Variants in RANBP17 observed in about 807,000 individuals in gnomAD.
The protein encoded by RANBP17 is ran-binding protein 17.
In RANBP17, 158 loss-of-function variants were observed where a neutral mutation model predicts 141.2. That is an observed-to-expected ratio of 1.12 (90% CI 0.98 to 1.28). The LOEUF is 1.28. Ranked by LOEUF, RANBP17 falls within the 50% of genes most tolerant of loss-of-function variation. RANBP17 has a pLI of 0.00. For missense variants in RANBP17, 1,438 were observed against 1,290.7 expected (o/e 1.11, Z -1.75); for synonymous variants, 430 against 450.0 (o/e 0.96, Z 0.56).
intron 14 of RANBP17, among the ~76,000 whole-genome samples, chr5:171,070,426 T>C (rs944428089): frequency 9.2e-5 from 14 of 152,168 alleles, no homozygotes; most frequent in African/African-American, 2.7e-4. Context: ...ATAAATATAA[T>C]GTTAACACTG....
chr5:171,197,777 A>T (rs1032714168), intron 18 of RANBP17, among the ~76,000 whole-genome samples: 2 of 152,130 alleles, frequency 1.3e-5, no homozygotes, highest in Non-Finnish European at 2.9e-5. Context: ...TGTGGCTCAC[A>T]TCTGTAATCC....
chr5:171,287,281 A>G (rs1768224098), intron 25 of RANBP17, among the ~76,000 whole-genome samples: 1 of 152,226 alleles, frequency 6.6e-6, no homozygotes, highest in Non-Finnish European at 1.5e-5. Flanking sequence ...ACCTGAGGTC[A>G]GGAGTTCAAG....
intron 14 of RANBP17, among the ~76,000 whole-genome samples, chr5:171,069,736 T>C (rs1784524320): frequency 1.3e-5 from 2 of 152,182 alleles, no homozygotes; most frequent in African/African-American, 4.8e-5. Context: ...TAGGCTAAGC[T>C]ATGACGTTTA....
In RANBP17 at chr5:171,241,097, GGCTTTTGTCAAAAT is replaced by G; in HGVS notation, c.2596_2609del (p.Phe866AlafsTer7). On this transcript the variant is annotated frameshift_variant, in exon 23 of 28. Coordinates refer to ENST00000523189, the MANE Select transcript of RANBP17 (RefSeq NM_022897.5). LOFTEE classifies it high-confidence loss of function. Reference sequence around the variant, plus strand: ...ACAACCATTTTGACAATGTACTCCAGGCTTTTGTCAAAATGCTGCTGTCAGTGTCCCACAGTGAC... The same window carrying G: ...ACAACCATTTTGACAATGTACTCCAGGCTGCTGTCAGTGTCCCACAGTGAC... 1.2e-6 allele frequency: 2 copies of G among 1,613,752 alleles called. No homozygotes were observed. Among genetic ancestry groups the G allele is most frequent in the Non-Finnish European group, 1.7e-6 (2 of 1,179,834 alleles).
intron 11 of RANBP17, among the ~76,000 whole-genome samples, chr5:170,922,124 C>T (rs1441359763): frequency 6.6e-6 from 1 of 152,022 alleles, no homozygotes; most frequent in Non-Finnish European, 1.5e-5. Flanking sequence ...GAGGTCCACT[C>T]CAGACCCTGT....
chr5:171,176,009 G>T (rs568829288), intron 16 of RANBP17, among the ~76,000 whole-genome samples: 3 of 152,132 alleles, frequency 2.0e-5, no homozygotes, highest in Admixed American at 1.3e-4. Flanking sequence ...TAGGCACAGG[G>T]TCCACTATGC....
intron 14 of RANBP17, among the ~76,000 whole-genome samples, chr5:171,140,901 C>T (rs1205937827): frequency 6.6e-6 from 1 of 152,120 alleles, no homozygotes; most frequent in Non-Finnish European, 1.5e-5. Context: ...CAGAATATTC[C>T]ACACTACCTG....
chr5:171,096,911 C>CT (rs1202237588), intron 14 of RANBP17, among the ~76,000 whole-genome samples: 1 of 152,044 alleles, frequency 6.6e-6, no homozygotes, highest in African/African-American at 2.4e-5. Context: ...TATGGTAGAA[C>CT]TTTAAGAAAA....
intron 14 of RANBP17, among the ~76,000 whole-genome samples, chr5:170,996,667 T>C (rs1778838148): frequency 6.6e-6 from 1 of 152,232 alleles, no homozygotes; most frequent in South Asian, 2.1e-4. Context: ...GGGTAAGATG[T>C]ACTGCTTCAG....
rs544410880 is a variant in RANBP17, at chr5:170,918,589, A to G, written c.955-124A>G. On this transcript the variant is annotated intron_variant, in intron 9 of 27. Coordinates refer to ENST00000523189, the MANE Select transcript of RANBP17 (RefSeq NM_022897.5). Reference sequence around the variant, plus strand: ...ATTTTTTTACATTGTTAACTACCCAATTGACACAGAGTATTTTAAGTACTC... The same window carrying G: ...ATTTTTTTACATTGTTAACTACCCAGTTGACACAGAGTATTTTAAGTACTC... 59 of 634,646 alleles carry G rather than the reference A, an allele frequency of 9.3e-5. No individual in the cohort carries two copies. Among genetic ancestry groups the G allele is most frequent in the African/African-American group, 3.4e-4 (18 of 52,746 alleles). The allele number at this position is 634,646 out of a possible 1,614,324, so 39.3% of individuals were successfully genotyped here.
rs1771481112 is a variant in RANBP17 at position 170,911,025 on chromosome 5, G to C, written c.651G>C (p.Gln217His). The C allele has an allele frequency of 1.4e-5, 23 of 1,612,076 alleles. No homozygotes were observed. Among genetic ancestry groups the C allele is most frequent in the East Asian group, 2.2e-5 (1 of 44,832 alleles). Residue 217 changes from glutamine (Q) to histidine (H), a missense_variant, in exon 7 of 28, where the codon CAG becomes CAC. Transcript: ENST00000523189. ...AATGTCAGCAAAATCTGGTAATGCA[G>C]GTCTTGAAACTGGTCCTTAACTGCC... ...QDQCQQNLVMQVLKLVLNCLN... is the reference protein window; with the variant it reads ...QDQCQQNLVMHVLKLVLNCLN...
intron 14 of RANBP17, among the ~76,000 whole-genome samples, chr5:170,989,897 A>G (rs1159740321): frequency 6.6e-6 from 1 of 151,830 alleles, no homozygotes; most frequent in East Asian, 1.9e-4. Context: ...AATGAAAGCT[A>G]AAGTATTAGC....
chr5:171,230,296 C>T (rs542685976), intron 22 of RANBP17, among the ~76,000 whole-genome samples: 1 of 152,152 alleles, frequency 6.6e-6, no homozygotes, highest in South Asian at 2.1e-4. Context: ...TTTAGAAGGG[C>T]ATTTAAAGAA....
chr5:171,158,279 T>A (rs751640438), intron 14 of RANBP17: 1 of 178,084 alleles, frequency 5.6e-6, no homozygotes, highest in East Asian at 9.4e-5. Flanking sequence ...TTTGAAGGAG[T>A]CTTGAAATAT....
At chr5:171,106,478 C>T (rs981358402) in intron 14 of RANBP17, among the ~76,000 whole-genome samples, 2 of 152,100 alleles carry the variant, frequency 1.3e-5, no homozygotes, top group African/African-American at 4.8e-5. Flanking sequence ...CTTTTTTGCA[C>T]TATATAGCCC....
At chr5:171,063,157 A>G (rs1337004302) in intron 14 of RANBP17, among the ~76,000 whole-genome samples, 4 of 152,012 alleles carry the variant, frequency 2.6e-5, no homozygotes, top group African/African-American at 4.8e-5. Flanking sequence ...TCTTCTCTCA[A>G]CTCGTCAAAC....
At chr5:170,922,339 C>T (rs187695399) in intron 11 of RANBP17, among the ~76,000 whole-genome samples, 1 of 152,302 alleles carries the variant, frequency 6.6e-6, no homozygotes, top group African/African-American at 2.4e-5. Context: ...GAACGCTGTG[C>T]TGAGAGAACC....
chr5:171,293,042 C>T (rs1340170272), intron 25 of RANBP17, among the ~76,000 whole-genome samples: 1 of 152,122 alleles, frequency 6.6e-6, no homozygotes, highest in Non-Finnish European at 1.5e-5. Context: ...CCCCACCCTC[C>T]TTTTTTGATG....
intron 1 of RANBP17, among the ~76,000 whole-genome samples, chr5:170,864,134 G>A (rs981424173): frequency 6.6e-6 from 1 of 152,176 alleles, no homozygotes; most frequent in Non-Finnish European, 1.5e-5. Flanking sequence ...AAGACACTGA[G>A]TCTTAAAACA....
Sources: allele counts gnomAD v4.1 joint callset (sites outside exome capture counted in the v4.1 genomes callset), GRCh38; gene constraint gnomAD v4.1.1; transcripts MANE v1.5; gene names NCBI Gene and HGNC (gene_info 2026-07-23, HGNC 2026-07-21).